Variants in CYP3A43 observed in about 807,000 individuals in gnomAD.
CYP3A43 encodes cytochrome P450 family 3 subfamily A member 43.
In CYP3A43, 45 loss-of-function variants were observed where a neutral mutation model predicts 58.0. The observed-to-expected ratio is 0.78, with a 90% CI of 0.61 to 0.99. The LOEUF is 0.99. Ranked by LOEUF, CYP3A43 falls within the 50% of genes least tolerant of loss-of-function variation. The probability of loss-of-function intolerance (pLI) is 0.00; values close to 1 mark genes in which losing one functional copy is unlikely to be tolerated. For synonymous variants in CYP3A43, 191 were observed against 201.4 expected (o/e 0.95, Z 0.44); for missense variants, 593 against 591.9 (o/e 1.00, Z -0.02).
At chr7:99,857,195 A>G (rs1818015935) in intron 9 of CYP3A43, among the ~76,000 whole-genome samples, 1 of 152,154 alleles carries the variant, frequency 6.6e-6, no homozygotes, top group Non-Finnish European at 1.5e-5. Flanking sequence ...CTCCAGATCC[A>G]CTTACTCAGA....
chr7:99,833,279 G>A (rs1351975027), intron 1 of CYP3A43, among the ~76,000 whole-genome samples: 1 of 152,178 alleles, frequency 6.6e-6, no homozygotes, highest in African/African-American at 2.4e-5. Context: ...CCAGAGGACT[G>A]AGCTCTGAAC....
chr7:99,858,213 T>C (rs1417251471), intron 9 of CYP3A43, among the ~76,000 whole-genome samples: 1 of 152,228 alleles, frequency 6.6e-6, no homozygotes, highest in Non-Finnish European at 1.5e-5. Flanking sequence ...TTCCATGTCC[T>C]GGGGTTCATG....
Position 99,828,162 on chromosome 7 carries a change from C to G in CYP3A43, c.47C>G (p.Ala16Gly). The G allele has an allele frequency of 6.2e-7, 1 of 1,612,812 alleles. No homozygotes were observed. The change falls in exon 1 of 13, where the codon GCT becomes GGT. Residue 16 changes from alanine (A) to glycine (G), a missense_variant. By Grantham distance (60) the Ala-to-Gly change is moderately conservative. Transcript: ENST00000354829. ...NFAMETWVLV[A>G]TSLVLLYIYG... ...GCCATGGAAACATGGGTTCTTGTGGCTACCAGCCTGGTACTCCTCTATATG... is the reference window on the plus strand; with the variant it reads ...GCCATGGAAACATGGGTTCTTGTGGGTACCAGCCTGGTACTCCTCTATATG...
At chr7:99,828,495 T>C (rs1816712569) in intron 1 of CYP3A43, among the ~76,000 whole-genome samples, 1 of 152,000 alleles carries the variant, frequency 6.6e-6, no homozygotes, top group Admixed American at 6.6e-5. Context: ...ACCCCTTCTC[T>C]ACTAAAAATA....
At chr7:99,861,962 CA>C (rs1427979891) in intron 11 of CYP3A43, 123 bp downstream of exon 11, 34 of 810,370 alleles carry the variant, frequency 4.2e-5, no homozygotes, top group Non-Finnish European at 5.7e-5. Context: ...TTTTTTATTA[CA>C]AAATGATAAC....
intron 1 of CYP3A43, among the ~76,000 whole-genome samples, chr7:99,833,811 A>G (rs1816948491): frequency 6.6e-6 from 1 of 152,224 alleles, no homozygotes; most frequent in Non-Finnish European, 1.5e-5. Context: ...GTGTCAGGCT[A>G]CTATTGCCTC....
chr7:99,865,612 C>G (rs1313699988), intron 12 of CYP3A43, among the ~76,000 whole-genome samples: 1 of 148,590 alleles, frequency 6.7e-6, no homozygotes, highest in Non-Finnish European at 1.5e-5. Flanking sequence ...TAAAATATCT[C>G]TTTGCTTAAA....
Position 99,844,221 on chromosome 7 carries a change from C to G in CYP3A43, c.297C>G (p.Tyr99Ter), listed in dbSNP as rs772177902. 3 of 1,613,956 alleles carry G rather than the reference C, an allele frequency of 1.9e-6. No homozygotes were observed. The highest frequency in any genetic ancestry group is 2.5e-6 in the Non-Finnish European group (3 of 1,179,964). Residue 99 changes from tyrosine to a stop codon, truncating the protein, a stop_gained, in exon 4 of 13, where the codon TAC becomes TAG. Transcript: ENST00000354829. LOFTEE classifies it high-confidence loss of function. ...MIKTVLVKEC[Y>*]SVFTNQMPLG... Reference sequence around the variant, plus strand: ...AAACAGTGTTAGTGAAAGAATGTTACTCTGTCTTCACAAACCAGATGGTAG... The same window carrying G: ...AAACAGTGTTAGTGAAAGAATGTTAGTCTGTCTTCACAAACCAGATGGTAG...
chr7:99,844,083 T>G, intron 3 of CYP3A43, 60 bp from the exon 4 acceptor site: 1 of 1,317,524 alleles, frequency 7.6e-7, no homozygotes, highest in Non-Finnish European at 1.1e-6. Flanking sequence ...TTCTTTGGTG[T>G]GGTTCCAGCT....
At position 99,855,635 on chromosome 7, in the gene CYP3A43, G is replaced by A. The variant is rs150984481; in HGVS notation, c.715G>A (p.Gly239Ser). 5.3e-5 allele frequency: 86 copies of A among 1,613,070 alleles called. 1 individual carries two copies. In the East Asian group the frequency reaches 8.7e-4, roughly 16 times the overall value. The change falls in exon 8 of 13, where the codon GGT becomes AGT. Residue 239 changes from glycine to serine, a missense_variant. Physicochemically the swap from Gly to Ser is moderately conservative, Grantham distance 56. Coordinates refer to ENST00000354829, the MANE Select transcript of CYP3A43 (RefSeq NM_057095.3). ...LTPVFEALNI[G>S]LFPKDVTHFL... ...CCCAGTTTTTGAAGCCCTAAATATC[G>A]GTTTGTTTCCAAAAGATGTTACCCA...
chr7:99,834,834 T>G (rs1817002872), intron 1 of CYP3A43, among the ~76,000 whole-genome samples: 1 of 152,200 alleles, frequency 6.6e-6, no homozygotes, highest in Non-Finnish European at 1.5e-5. Flanking sequence ...AGGCTGTTGG[T>G]TCACTGGTAG....
chr7:99,847,942 C>T (rs914915844), intron 5 of CYP3A43: 7 of 561,982 alleles, frequency 1.2e-5, no homozygotes, highest in East Asian at 6.2e-5. Flanking sequence ...AATCTAGAGG[C>T]GGAGGTTGCA....
chr7:99,842,841 G>C (rs149968678), intron 3 of CYP3A43, among the ~76,000 whole-genome samples: 3 of 152,170 alleles, frequency 2.0e-5, no homozygotes, highest in African/African-American at 7.2e-5. Context: ...TCACAAGGAC[G>C]TTCCTTATGA....
At chr7:99,859,214 G>A (rs990446619) in intron 9 of CYP3A43, among the ~76,000 whole-genome samples, 3 of 152,212 alleles carry the variant, frequency 2.0e-5, no homozygotes, top group Non-Finnish European at 4.4e-5. Context: ...TGATTCTGCA[G>A]TTTGAGGGTA....
chr7:99,847,778 G>A lies in CYP3A43; in HGVS notation c.432+177G>A, dbSNP rs543190269. 354 of 892,446 alleles carry A rather than the reference G, an allele frequency of 4.0e-4. 5 individuals carry two copies. The South Asian group carries it at 4.5e-3, about 11-fold the overall frequency. 55.3% of individuals were successfully genotyped at this position (892,446 alleles called of 1,614,324 possible). On this transcript the variant is annotated intron_variant, in intron 5 of 12. Transcript: ENST00000354829. Reference sequence around the variant, plus strand: ...TGTAATCCCAGCACTTTGGGAGGCCGAGGTGGGTGGATCACCTGAGGTTAG... The same window carrying A: ...TGTAATCCCAGCACTTTGGGAGGCCAAGGTGGGTGGATCACCTGAGGTTAG...
intron 12 of CYP3A43, 78 bp downstream of exon 12, chr7:99,863,777 T>TGAACAA: frequency 8.5e-7 from 1 of 1,171,056 alleles, no homozygotes; most frequent in Non-Finnish European, 1.1e-6. Context: ...AAAATTATTG[T>TGAACAA]TCATTTTTCA....
In CYP3A43 at chr7:99,843,836, C is replaced by T. The variant is rs528230122; in HGVS notation, c.219-307C>T. Among the ~76,000 whole-genome samples, 6 of 152,304 alleles carry T rather than the reference C, an allele frequency of 3.9e-5. No individual in the cohort carries two copies. The South Asian group carries it at 6.2e-4, about 16-fold the overall frequency. ...ATAGGGAATGCCCAAGTATACACCA[C>T]CTAGATGTAACAAAGGCTTCTGATA... On this transcript the variant is annotated intron_variant, in intron 3 of 12. Coordinates refer to ENST00000354829, the MANE Select transcript of CYP3A43 (RefSeq NM_057095.3).
chr7:99,837,748 GT>G (rs1277383586), intron 2 of CYP3A43, among the ~76,000 whole-genome samples: 1 of 152,196 alleles, frequency 6.6e-6, no homozygotes, highest in African/African-American at 2.4e-5. Context: ...GGTAATATGT[GT>G]CTCATAGTCT....
At chr7:99,855,531 G>T in intron 7 of CYP3A43, 60 bp from the exon 8 acceptor site, 1 of 1,542,864 alleles carries the variant, frequency 6.5e-7, no homozygotes. Flanking sequence ...ATTGTTGTAG[G>T]TAAATTTCAC....
Sources: allele counts gnomAD v4.1 joint callset (sites outside exome capture counted in the v4.1 genomes callset), GRCh38; gene constraint gnomAD v4.1.1; transcripts MANE v1.5; gene names NCBI Gene and HGNC (gene_info 2026-07-23, HGNC 2026-07-21).